MTSS1: variants seen among roughly 807,000 people sequenced by gnomAD.
MTSS1 encodes MTSS I-BAR domain containing 1.
In MTSS1, 18 loss-of-function variants were observed where a neutral mutation model predicts 79.0. The ratio of observed to expected loss-of-function variants is 0.23; its 90% CI spans 0.16 to 0.34. The LOEUF is 0.34. Ranked by LOEUF, MTSS1 falls within the 10% of genes least tolerant of loss-of-function variation. The pLI, the probability that MTSS1 is intolerant of heterozygous loss-of-function variation, is 1.00. For synonymous variants in MTSS1, 341 were observed against 368.6 expected (o/e 0.93, Z 0.86); for missense variants, 815 against 986.2 (o/e 0.83, Z 2.33).
At chr8:124,722,412 G>C (rs1833085808) in intron 1 of MTSS1, among the ~76,000 whole-genome samples, 1 of 152,204 alleles carries the variant, frequency 6.6e-6, no homozygotes, top group Non-Finnish European at 1.5e-5. Context: ...TTGAGACGGG[G>C]ACTGCTCTGG....
At chr8:124,622,804 A>AAG (rs1813855796) in intron 3 of MTSS1, among the ~76,000 whole-genome samples, 1 of 152,012 alleles carries the variant, frequency 6.6e-6, no homozygotes, top group African/African-American at 2.4e-5. Context: ...AAAAAAAAAA[A>AAG]AAAAAGTAAT....
chr8:124,683,941 G>T lies in MTSS1; in HGVS notation c.208+15585C>A, dbSNP rs1470855773. Among the ~76,000 whole-genome samples, 2 of 152,108 alleles carry T rather than the reference G, an allele frequency of 1.3e-5. No homozygotes were observed. Among genetic ancestry groups the T allele is most frequent in the Admixed American group, 6.5e-5 (1 of 15,278 alleles). ...CCAAGGAGACCGAAAAAGTGACCTG[G>T]GCCATAGGATTCTCAAATACTGATC... On this transcript the variant is annotated intron_variant, in intron 3 of 13. Transcript: ENST00000518547. The surrounding 1 kb of genome is among the most constrained non-coding windows in gnomAD (Gnocchi z 4.5).
intron 1 of MTSS1, among the ~76,000 whole-genome samples, chr8:124,705,818 G>A (rs541934115): frequency 2.0e-4 from 31 of 152,244 alleles, no homozygotes; most frequent in Admixed American, 4.6e-4. Flanking sequence ...ATTCTTTGTC[G>A]TGGGGGGCTG....
intron 1 of MTSS1, among the ~76,000 whole-genome samples, chr8:124,711,377 G>A (rs1289509615): frequency 6.6e-6 from 1 of 152,198 alleles, no homozygotes; most frequent in Non-Finnish European, 1.5e-5. Context: ...TAGAGCTGAG[G>A]AAACTGATGC....
intron 3 of MTSS1, among the ~76,000 whole-genome samples, chr8:124,697,824 C>T (rs1351653157): frequency 1.3e-5 from 2 of 152,164 alleles, no homozygotes; most frequent in African/African-American, 4.8e-5. Flanking sequence ...TTAAGATCCA[C>T]ACCAAGCTGA....
At chr8:124,702,940 C>T (rs986050446) in intron 2 of MTSS1, among the ~76,000 whole-genome samples, 2 of 152,180 alleles carry the variant, frequency 1.3e-5, no homozygotes, top group African/African-American at 4.8e-5. Flanking sequence ...TTTCATATCA[C>T]ATGATATATG....
intron 3 of MTSS1, among the ~76,000 whole-genome samples, chr8:124,698,533 G>A (rs1218633725): frequency 7.5e-6 from 1 of 132,636 alleles, no homozygotes; most frequent in African/African-American, 2.9e-5. Flanking sequence ...TTTTGAGACA[G>A]AGTCCCAACT....
At chr8:124,645,850 G>T (rs1419046490) in intron 3 of MTSS1, among the ~76,000 whole-genome samples, 1 of 152,122 alleles carries the variant, frequency 6.6e-6, no homozygotes, top group Non-Finnish European at 1.5e-5. Flanking sequence ...CTCGGCTTAA[G>T]TGGTGACAGC....
chr8:124,696,969 G>T (rs763790094), intron 3 of MTSS1, among the ~76,000 whole-genome samples: 2 of 152,124 alleles, frequency 1.3e-5, no homozygotes, highest in Non-Finnish European at 2.9e-5. Context: ...CTTCTGCAGT[G>T]AGGCTCTTTG....
intron 1 of MTSS1, among the ~76,000 whole-genome samples, chr8:124,707,215 C>G (rs1413591599): frequency 6.6e-6 from 1 of 151,924 alleles, no homozygotes; most frequent in Non-Finnish European, 1.5e-5. Context: ...TCCAGGGAGC[C>G]CTGGAGAAAT....
chr8:124,606,677 T>C (rs1834941078), intron 3 of MTSS1, among the ~76,000 whole-genome samples: 1 of 151,178 alleles, frequency 6.6e-6, no homozygotes, highest in Non-Finnish European at 1.5e-5. Context: ...CCCCCGATCC[T>C]ATAACTGGGA....
At chr8:124,704,629 T>G (rs1044592808) in intron 1 of MTSS1, among the ~76,000 whole-genome samples, 6 of 152,188 alleles carry the variant, frequency 3.9e-5, no homozygotes, top group Non-Finnish European at 8.8e-5. Context: ...AAGCATTAAT[T>G]AGACTATCAG....
chr8:124,634,201 C>T (rs1816562888), intron 3 of MTSS1, among the ~76,000 whole-genome samples: 1 of 151,850 alleles, frequency 6.6e-6, no homozygotes, highest in Non-Finnish European at 1.5e-5. Flanking sequence ...CCACAACCTC[C>T]TGGGCGCAAG....
intron 3 of MTSS1, among the ~76,000 whole-genome samples, chr8:124,619,721 A>G (rs189646695): frequency 6.6e-6 from 1 of 152,250 alleles, no homozygotes; most frequent in East Asian, 1.9e-4. Context: ...GGATGTAAGC[A>G]TCATGGAATT....
At chr8:124,576,649 C>A (rs6997175) in intron 6 of MTSS1, among the ~76,000 whole-genome samples, 71,482 of 151,850 alleles carry the variant, frequency 0.47, 17,625 homozygotes, top group Non-Finnish European at 0.56. Flanking sequence ...CTGCAGCAGT[C>A]AAGGATGTTT....
intron 3 of MTSS1, among the ~76,000 whole-genome samples, chr8:124,603,734 A>C (rs1361752109): frequency 6.6e-6 from 1 of 152,182 alleles, no homozygotes; most frequent in Non-Finnish European, 1.5e-5. Flanking sequence ...ACACGAGACA[A>C]ATATCCCCTC....
intron 3 of MTSS1, among the ~76,000 whole-genome samples, chr8:124,692,245 G>C (rs1211132216): frequency 6.6e-6 from 1 of 151,924 alleles, no homozygotes; most frequent in African/African-American, 2.4e-5. Flanking sequence ...GACCAGGCTG[G>C]TCTCTAACTC....
intron 3 of MTSS1, among the ~76,000 whole-genome samples, chr8:124,681,585 C>G (rs1017035079): frequency 6.6e-5 from 10 of 152,124 alleles, no homozygotes; most frequent in African/African-American, 1.9e-4. Context: ...GTCAGGAGTT[C>G]AAGACCAGCC....
At chr8:124,666,923 G>C (rs773451094) in intron 3 of MTSS1, among the ~76,000 whole-genome samples, 9 of 152,172 alleles carry the variant, frequency 5.9e-5, no homozygotes, top group Admixed American at 2.6e-4. Context: ...GAGGAGTTTA[G>C]GGGGAGAGTT....
Sources: allele counts gnomAD v4.1 joint callset (sites outside exome capture counted in the v4.1 genomes callset), GRCh38; gene constraint gnomAD v4.1.1; non-coding constraint Gnocchi (gnomAD v3.1); transcripts MANE v1.5; gene names NCBI Gene and HGNC (gene_info 2026-07-23, HGNC 2026-07-21).